The following POU2F1 variants were observed in gnomAD, a reference collection of about 807,000 sequenced individuals.
POU2F1 encodes the protein POU domain, class 2, transcription factor 1.
POU2F1 carries 16 observed loss-of-function variants against 84.9 expected under a neutral mutation model. That is an observed-to-expected ratio of 0.19 (90% confidence interval 0.13 to 0.29). The LOEUF is 0.29. POU2F1 is among the 10% of genes least tolerant of loss of function. The pLI is 1.00. For missense variants in POU2F1, 738 were observed against 942.6 expected (o/e 0.78, Z 2.84); for synonymous variants, 368 against 368.3 (o/e 1.00, Z 0.01).
In POU2F1 at chr1:167,401,461, C is replaced by T. The variant is rs1649201209; in HGVS notation, c.1460C>T (p.Thr487Ile). Residue 487 changes from threonine to isoleucine, a missense_variant, in exon 13 of 16, where the codon ACA becomes ATA. Around this residue, in one of 4 missense-constraint regions of POU2F1, gnomAD observed 319 missense variants for 386.0 expected, o/e 0.83. Coordinates refer to ENST00000367866, the MANE Select transcript of POU2F1 (RefSeq NM_002697.4). Reference protein sequence around the residue: ...FPSPTSLVATTPSLVTSSAAT... With the variant: ...FPSPTSLVATIPSLVTSSAAT... ...ATTTCTGACCTCAAGGTGGCGACCACACCAAGCCTTGTGACTAGCAGTGCA... is the reference window on the plus strand; with the variant it reads ...ATTTCTGACCTCAAGGTGGCGACCATACCAAGCCTTGTGACTAGCAGTGCA... 1 of 1,612,080 alleles carries T rather than the reference C, an allele frequency of 6.2e-7. No homozygotes were observed. The highest frequency in any genetic ancestry group is 1.3e-5 in the African/African-American group (1 of 74,840).
intron 3 of POU2F1, among the ~76,000 whole-genome samples, chr1:167,366,673 A>G (rs1314982464): frequency 2.0e-5 from 3 of 152,188 alleles, no homozygotes; most frequent in Admixed American, 6.5e-5. Flanking sequence ...TTTGAAATGG[A>G]AAAACTTTGA....
rs1323838116 is a variant in POU2F1 at position 167,383,967 on chromosome 1, T to C, written c.813+16T>C. 1.3e-6 allele frequency: 2 copies of C among 1,588,354 alleles called. No homozygotes were observed. Among genetic ancestry groups the C allele is most frequent in the Admixed American group, 3.4e-5 (2 of 58,236 alleles). ...CACCTCCCAGGTCAGTTTTCTTCTA[T>C]GGGGGCTGCTTTCTCTTATCATATT... On this transcript the variant is annotated intron_variant, in intron 8 of 15. Coordinates refer to ENST00000367866, the MANE Select transcript of POU2F1 (RefSeq NM_002697.4).
At chr1:167,280,034 C>T (rs1056829706) in intron 1 of POU2F1, among the ~76,000 whole-genome samples, 3 of 151,868 alleles carry the variant, frequency 2.0e-5, no homozygotes, top group Admixed American at 6.6e-5. Flanking sequence ...GGTGAAACCC[C>T]GTTTTTACTG....
In POU2F1 at chr1:167,415,801, G is replaced by A. The variant is rs551283121; in HGVS notation, c.2292G>A (p.Lys764=). The stretch of plus-strand genomic sequence containing the variant: ...CGTCCACCACCACCACCGCCTCCAA[G>A]GCACAGTGAGCTGGGCAGAGCTGGG... ...GAASTTTTAS[K]AQ Residue 764 remains lysine, a synonymous_variant, in exon 16 of 16, where the codon AAG becomes AAA. Transcript: ENST00000367866. The A allele has an allele frequency of 6.2e-7, 1 of 1,613,612 alleles. No individual in the cohort carries two copies. Among genetic ancestry groups the A allele is most frequent in the East Asian group, 2.2e-5 (1 of 44,882 alleles).
chr1:167,331,857 A>G (rs1161042579), intron 1 of POU2F1, among the ~76,000 whole-genome samples: 1 of 152,054 alleles, frequency 6.6e-6, no homozygotes, highest in Non-Finnish European at 1.5e-5. Flanking sequence ...GTTATGCCTT[A>G]CGGTACAACT....
At chr1:167,398,202 A>G in intron 11 of POU2F1, 69 bp downstream of exon 11, 1 of 1,522,548 alleles carries the variant, frequency 6.6e-7, no homozygotes, top group Non-Finnish European at 8.9e-7. Context: ...TACTTAGTAG[A>G]AACTGTAGGT....
At chr1:167,345,409 G>T (rs940564746) in intron 2 of POU2F1, among the ~76,000 whole-genome samples, 6 of 152,136 alleles carry the variant, frequency 3.9e-5, no homozygotes, top group African/African-American at 1.4e-4. Flanking sequence ...AGTCAATTAG[G>T]GATTTCCTTG....
chr1:167,263,198 G>T (rs1026860414), intron 1 of POU2F1, among the ~76,000 whole-genome samples: 13 of 152,156 alleles, frequency 8.5e-5, no homozygotes, highest in Admixed American at 7.2e-4. Context: ...TGTAAGAAAA[G>T]ATATGTTTTT....
intron 1 of POU2F1, among the ~76,000 whole-genome samples, chr1:167,290,430 C>G (rs989630329): frequency 6.6e-6 from 1 of 152,210 alleles, no homozygotes; most frequent in African/African-American, 2.4e-5. Flanking sequence ...CACATGTTCT[C>G]TTTTGTGTTG....
chr1:167,398,553 A>G (rs1004179635), intron 11 of POU2F1, among the ~76,000 whole-genome samples: 3 of 152,210 alleles, frequency 2.0e-5, no homozygotes, highest in Non-Finnish European at 4.4e-5. Context: ...TAGTGTCTGT[A>G]TGCCTGGAAT....
At chr1:167,249,183 T>C (rs1482958402) in intron 1 of POU2F1, among the ~76,000 whole-genome samples, 1 of 152,198 alleles carries the variant, frequency 6.6e-6, no homozygotes, top group Non-Finnish European at 1.5e-5. Flanking sequence ...TATCTTCTCA[T>C]CTCCAAGCTT....
At chr1:167,317,562 T>C (rs1203096476) in intron 1 of POU2F1, among the ~76,000 whole-genome samples, 1 of 152,212 alleles carries the variant, frequency 6.6e-6, no homozygotes, top group Non-Finnish European at 1.5e-5. Flanking sequence ...AGATTATAGA[T>C]TAACTAAAAC....
chr1:167,280,430 C>T (rs1653053182), intron 1 of POU2F1, among the ~76,000 whole-genome samples: 1 of 149,848 alleles, frequency 6.7e-6, no homozygotes. Flanking sequence ...AAAAATAACT[C>T]TGAACACTTC....
intron 2 of POU2F1, among the ~76,000 whole-genome samples, chr1:167,349,172 A>C (rs564890997): frequency 1.3e-5 from 2 of 151,898 alleles, no homozygotes; most frequent in Admixed American, 1.3e-4. Context: ...CCCTCACTCA[A>C]CCTTTTCCAA....
At chr1:167,274,366 A>G (rs1652576227) in intron 1 of POU2F1, among the ~76,000 whole-genome samples, 1 of 152,202 alleles carries the variant, frequency 6.6e-6, no homozygotes, top group South Asian at 2.1e-4. Flanking sequence ...TAAAACTAGT[A>G]ACAGAAATTC....
At chr1:167,324,838 A>G (rs1656585603) in intron 1 of POU2F1, among the ~76,000 whole-genome samples, 1 of 152,192 alleles carries the variant, frequency 6.6e-6, no homozygotes, top group African/African-American at 2.4e-5. Flanking sequence ...CTAGATTTTT[A>G]GTAAATGATA....
intron 1 of POU2F1, among the ~76,000 whole-genome samples, chr1:167,259,303 G>A (rs916599998): frequency 6.6e-6 from 1 of 152,190 alleles, no homozygotes; most frequent in Non-Finnish European, 1.5e-5. Context: ...TTTGAGGGAT[G>A]CAGCTCTTGA....
chr1:167,389,850 G>A lies in POU2F1; in HGVS notation c.987+89G>A. 2.8e-6 allele frequency: 4 copies of A among 1,417,138 alleles called. No homozygotes were observed. In the South Asian group the frequency reaches 5.2e-5, roughly 18 times the overall value. 87.8% of individuals were successfully genotyped at this position (1,417,138 alleles called of 1,614,324 possible). ...TGTATTCATGGATTCCACATCTGTG[G>A]ATTCAACTAGTCCAAAATATTTGGG... is the stretch of plus-strand genomic sequence containing the variant. On this transcript the variant is annotated intron_variant, in intron 9 of 15. Coordinates refer to ENST00000367866, the MANE Select transcript of POU2F1 (RefSeq NM_002697.4).
intron 2 of POU2F1, among the ~76,000 whole-genome samples, chr1:167,350,091 T>C (rs1402461272): frequency 6.6e-6 from 1 of 152,180 alleles, no homozygotes; most frequent in Non-Finnish European, 1.5e-5. Context: ...TTTTGATTAA[T>C]AAGAAAAGAT....
Sources: gnomAD v4.1 joint callset for allele counts (sites outside exome capture counted in the v4.1 genomes callset) on GRCh38, gnomAD v4.1.1 for gene constraint, gnomAD v4.1.1 regional missense constraint, MANE v1.5 for transcripts, NCBI Gene and HGNC (gene_info 2026-07-23, HGNC 2026-07-21) for gene names.